The following XPC variants were observed in gnomAD, a reference collection of about 807,000 sequenced individuals.
XPC encodes the protein XPC complex subunit, DNA damage recognition and repair factor.
Under a neutral mutation model 95.8 loss-of-function variants are expected in XPC, and 76 were observed. The observed-to-expected ratio is 0.79, with a 90% CI of 0.66 to 0.96. The LOEUF is 0.96. XPC is among the 40% of genes least tolerant of loss of function. The pLI is 0.00. For synonymous variants in XPC, 442 were observed against 442.1 expected, an observed-to-expected ratio of 1.00 and a Z score of 0.00; for missense variants, 1,146 against 1,179.8, an observed-to-expected ratio of 0.97 and a Z score of 0.42.
At chr3:14,157,923 A>C (rs1574961057) in intron 9 of XPC, 88 bp downstream of exon 9, 1 of 1,475,980 alleles carries the variant, frequency 6.8e-7, no homozygotes, top group East Asian at 2.3e-5. Flanking sequence ...CACCCAACAT[A>C]GTGCTGGGCA....
intron 5 of XPC, 38 bp downstream of exon 5, chr3:14,167,131 A>G (rs534709658): frequency 1.3e-6 from 2 of 1,524,564 alleles, no homozygotes; most frequent in Non-Finnish European, 1.8e-6. Flanking sequence ...CTTTGCACCG[A>G]CAAGGAAAAG....
chr3:14,151,663 A>T (rs1376255939), intron 11 of XPC: 1 of 151,932 alleles, frequency 6.6e-6, no homozygotes, highest in Non-Finnish European at 1.5e-5. Context: ...GCCACTGTAC[A>T]CTTCCGGTCG....
At chr3:14,150,797 G>A (rs1057515120) in intron 11 of XPC, among the ~76,000 whole-genome samples, 7 of 152,192 alleles carry the variant, frequency 4.6e-5, no homozygotes, top group Admixed American at 4.6e-4. Context: ...AGGGGCAAGG[G>A]GTTGCCCAAG....
intron 1 of XPC, among the ~76,000 whole-genome samples, chr3:14,175,482 C>T (rs1048746153): frequency 6.6e-6 from 1 of 152,018 alleles, no homozygotes; most frequent in Non-Finnish European, 1.5e-5. Context: ...AAGTACCCCT[C>T]CCCCCAGATT....
chr3:14,173,279 C>G (rs1021633451), intron 1 of XPC, among the ~76,000 whole-genome samples: 1 of 152,224 alleles, frequency 6.6e-6, no homozygotes, highest in African/African-American at 2.4e-5. Flanking sequence ...TTTATCAGCA[C>G]TTTACTTCTC....
chr3:14,164,998 C>A, intron 6 of XPC, 65 bp from the exon 7 acceptor site: 1 of 1,551,186 alleles, frequency 6.4e-7, no homozygotes, highest in Non-Finnish European at 8.7e-7. Context: ...CATTTCCAGC[C>A]AAGAAAATAA....
intron 10 of XPC, among the ~76,000 whole-genome samples, chr3:14,153,719 A>G (rs1375117925): frequency 2.6e-5 from 4 of 152,180 alleles, no homozygotes; most frequent in Admixed American, 6.5e-5. Context: ...TCAGCTTCCA[A>G]TGGGTTTATG....
chr3:14,146,727 G>A (rs1559367450), intron 15 of XPC, among the ~76,000 whole-genome samples: 1 of 152,208 alleles, frequency 6.6e-6, no homozygotes, highest in Non-Finnish European at 1.5e-5. Flanking sequence ...ACAGAGGGTT[G>A]GAGAGAGGGA....
intron 7 of XPC, among the ~76,000 whole-genome samples, chr3:14,161,596 C>T (rs757098044): frequency 9.8e-5 from 14 of 143,208 alleles, no homozygotes; most frequent in Non-Finnish European, 1.4e-4. Context: ...CAAAGAAAAA[C>T]GCACCTGAGA....
chr3:14,151,998 G>A (rs1178884657), intron 11 of XPC, among the ~76,000 whole-genome samples: 3 of 151,996 alleles, frequency 2.0e-5, no homozygotes, highest in Non-Finnish European at 4.4e-5. Flanking sequence ...ACTGGAGAAC[G>A]TGCTGCTATA....
chr3:14,168,665 C>G (rs994933184), intron 3 of XPC, among the ~76,000 whole-genome samples: 3 of 151,968 alleles, frequency 2.0e-5, no homozygotes, highest in Admixed American at 2.0e-4. Flanking sequence ...ATACAGACCC[C>G]TCTATCAAAA....
intron 9 of XPC, among the ~76,000 whole-genome samples, chr3:14,157,738 A>G (rs577133935): frequency 6.6e-6 from 1 of 152,288 alleles, no homozygotes; most frequent in South Asian, 2.1e-4. Flanking sequence ...TTAAAGCTCC[A>G]AATTTATAAC....
intron 1 of XPC, among the ~76,000 whole-genome samples, chr3:14,174,666 G>A (rs1373365176): frequency 2.0e-5 from 3 of 152,090 alleles, no homozygotes; most frequent in Non-Finnish European, 4.4e-5. Flanking sequence ...TTATGGCAGA[G>A]CCACACAACA....
intron 4 of XPC, among the ~76,000 whole-genome samples, 197 bp downstream of exon 4, chr3:14,168,060 C>T (rs1026930684): frequency 1.3e-5 from 2 of 152,216 alleles, no homozygotes; most frequent in African/African-American, 4.8e-5. Flanking sequence ...TCCCTCTCCT[C>T]ATCCCTCACC....
At position 14,173,074 on chromosome 3, in the gene XPC, C is replaced by A; in HGVS notation, c.104-12G>T. ...ATCTTCAAAGGCATCTAGGTGACAA[C>A]ACAGAACATAAGGTGAGGGGTGGAA... is the stretch of plus-strand genomic sequence containing the variant. On this transcript the variant is annotated splice_polypyrimidine_tract_variant and intron_variant, in intron 1 of 15. Transcript: ENST00000285021. 1 of 1,548,826 alleles carries A rather than the reference C, an allele frequency of 6.5e-7. No homozygotes were observed. Among genetic ancestry groups the A allele is most frequent in the South Asian group, 1.2e-5 (1 of 80,516 alleles).
At chr3:14,167,784 G>C (rs903365999) in intron 4 of XPC, among the ~76,000 whole-genome samples, 3 of 152,124 alleles carry the variant, frequency 2.0e-5, no homozygotes, top group Non-Finnish European at 2.9e-5. Flanking sequence ...GCCATCAGAG[G>C]CTGCAGAGGT....
chr3:14,147,488 A>G (rs1443641895), intron 14 of XPC, 109 bp from the exon 15 acceptor site: 17 of 1,049,278 alleles, frequency 1.6e-5, no homozygotes, highest in African/African-American at 3.2e-5. Flanking sequence ...CCACTTTAGA[A>G]TATAGCCTCT....
intron 14 of XPC, 90 bp downstream of exon 14, chr3:14,147,818 G>A: frequency 8.6e-7 from 1 of 1,162,650 alleles, no homozygotes; most frequent in Non-Finnish European, 1.2e-6. Flanking sequence ...GAGCCTGGGA[G>A]CACACGGAGG....
At chr3:14,156,622 T>A in intron 9 of XPC, 127 bp from the exon 10 acceptor site, 1 of 1,314,600 alleles carries the variant, frequency 7.6e-7, no homozygotes, top group Non-Finnish European at 1.1e-6. Context: ...TGAACACTAA[T>A]GGTTTTGTAA....
Sources: allele counts gnomAD v4.1 joint callset (sites outside exome capture counted in the v4.1 genomes callset), GRCh38; gene constraint gnomAD v4.1.1; transcripts MANE v1.5; gene names NCBI Gene and HGNC (gene_info 2026-07-23, HGNC 2026-07-21).